SP1: variants seen among roughly 807,000 people sequenced by gnomAD.
The protein encoded by SP1 is Sp1 transcription factor, also known as transcription factor Sp1.
A neutral mutation model predicts 66.3 loss-of-function variants in SP1; 6 were observed. The observed-to-expected ratio is 0.09, with a 90% confidence interval of 0.05 to 0.18. The LOEUF is 0.18. Among genes scored for constraint, SP1 ranks in the 10% least tolerant of loss-of-function variants. The pLI, the probability that SP1 is intolerant of heterozygous loss-of-function variation, is 1.00. For synonymous variants in SP1, 417 were observed against 360.8 expected (o/e 1.16, Z -1.77); for missense variants, 848 against 964.5 (o/e 0.88, Z 1.60).
At chr12:53,385,266 C>G (rs1473921953) in intron 3 of SP1, among the ~76,000 whole-genome samples, 3 of 150,958 alleles carry the variant, frequency 2.0e-5, no homozygotes, top group Non-Finnish European at 4.4e-5. Context: ...TGCACTCCAG[C>G]CTGGTTGACA....
intron 3 of SP1, among the ~76,000 whole-genome samples, chr12:53,397,698 C>T (rs1211139615): frequency 6.6e-6 from 1 of 150,740 alleles, no homozygotes; most frequent in Admixed American, 6.6e-5. Context: ...GGATTACAGG[C>T]GCCTGCCACC....
chr12:53,403,342 C>G (rs921956597), intron 3 of SP1, among the ~76,000 whole-genome samples: 13 of 152,046 alleles, frequency 8.6e-5, no homozygotes, highest in African/African-American at 2.7e-4. Flanking sequence ...TAACACCTTG[C>G]ATTATAGAAA....
In SP1 at chr12:53,411,180, C is replaced by T; in HGVS notation, c.2298C>T (p.Gly766=). ...GCATTGCCCGTCTTGCCAACAGTGG[C>T]ATCAACGTCATGCAGGTGGCAGATC... ...PEGIARLANS[G]INVMQVADLQ... Residue 766 remains glycine (G), a synonymous_variant, in exon 6 of 6, where the codon GGC becomes GGT. Transcript: ENST00000327443. 7 of 1,613,950 alleles carry T rather than the reference C, an allele frequency of 4.3e-6. No individual in the cohort carries two copies. The highest frequency in any genetic ancestry group is 1.1e-5 in the South Asian group (1 of 91,074).
At chr12:53,409,179 C>A (rs1188219047) in intron 4 of SP1, among the ~76,000 whole-genome samples, 183 bp from the exon 5 acceptor site, 1 of 151,872 alleles carries the variant, frequency 6.6e-6, no homozygotes, top group African/African-American at 2.4e-5. Context: ...GAGCCGTGAT[C>A]ATGCTACTGT....
intron 3 of SP1, among the ~76,000 whole-genome samples, chr12:53,403,417 A>G (rs1938656254): frequency 6.6e-6 from 1 of 152,106 alleles, no homozygotes; most frequent in African/African-American, 2.4e-5. Flanking sequence ...CAGTTGTACA[A>G]TCAGGACTCA....
Position 53,412,094 on chromosome 12 carries a change from C to T in SP1, c.*854C>T, listed in dbSNP as rs2136922481. On this transcript the variant is annotated 3_prime_UTR_variant, in exon 6 of 6. Coordinates refer to ENST00000327443, the MANE Select transcript of SP1 (RefSeq NM_138473.3). The stretch of plus-strand genomic sequence containing the variant: ...AAAATCCTTGAAGCCCAGGCTGATG[C>T]TTGAAGTAACTGTGGAGGGAGTGTT... 6.6e-6 allele frequency: 1 copy of T among 152,300 alleles called. No individual in the cohort carries two copies. The highest frequency in any genetic ancestry group is 1.5e-5 in the Non-Finnish European group (1 of 68,030). 9.4% of individuals were successfully genotyped at this position (152,300 alleles called of 1,614,324 possible). A position where few individuals can be genotyped will look rare whatever the true frequency, so the allele number is the denominator to read the frequency against.
intron 3 of SP1, among the ~76,000 whole-genome samples, chr12:53,387,899 T>A (rs746179275): frequency 4.6e-5 from 7 of 151,478 alleles, no homozygotes; most frequent in Non-Finnish European, 7.4e-5. Context: ...GGCAGGAGAA[T>A]GATGTGAACC....
chr12:53,399,310 A>T (rs1193032417), intron 3 of SP1, among the ~76,000 whole-genome samples: 1 of 149,184 alleles, frequency 6.7e-6, no homozygotes, highest in Non-Finnish European at 1.5e-5. Flanking sequence ...CACCATGCCC[A>T]GCTAATTTTT....
chr12:53,408,401 T>C (rs1332604954), intron 4 of SP1, among the ~76,000 whole-genome samples: 3 of 150,676 alleles, frequency 2.0e-5, no homozygotes, highest in African/African-American at 7.3e-5. Context: ...CACGCCTGGC[T>C]AATTTTGTAT....
intron 3 of SP1, among the ~76,000 whole-genome samples, chr12:53,397,964 C>T (rs1466852607): frequency 1.3e-5 from 2 of 152,196 alleles, no homozygotes; most frequent in Non-Finnish European, 2.9e-5. Context: ...GCTACTGAAC[C>T]TTTGGTCTTA....
intron 3 of SP1, among the ~76,000 whole-genome samples, chr12:53,394,501 G>GGATCAAGT (rs2136903012): frequency 6.7e-6 from 1 of 149,100 alleles, no homozygotes; most frequent in Non-Finnish European, 1.5e-5. Context: ...TGACCTCCTG[G>GGATCAAGT]GATCAAGTGG....
chr12:53,380,582 G>C, intron 1 of SP1: 2 of 941,208 alleles, frequency 2.1e-6, no homozygotes, highest in Admixed American at 6.2e-5. Flanking sequence ...CCCACTACTC[G>C]GCCGCCCGCC....
intron 3 of SP1, among the ~76,000 whole-genome samples, chr12:53,400,454 G>A (rs891638746): frequency 1.3e-5 from 2 of 152,154 alleles, no homozygotes; most frequent in African/African-American, 2.4e-5. Context: ...TAGCTATCAT[G>A]CATAATGCTG....
chr12:53,380,594 G>T (rs1371315046), intron 1 of SP1: 1 of 1,009,638 alleles, frequency 9.9e-7, no homozygotes, highest in East Asian at 8.1e-5. Context: ...CCGCCCGCCT[G>T]AGGCTCCTCC....
intron 3 of SP1, among the ~76,000 whole-genome samples, chr12:53,402,585 T>C (rs1938632645): frequency 6.6e-6 from 1 of 150,506 alleles, no homozygotes; most frequent in South Asian, 2.2e-4. Flanking sequence ...AGGCTGGTAA[T>C]GCCAGCACTT....
chr12:53,380,190 G>C lies in SP1; in HGVS notation c.-102G>C, dbSNP rs1938047387. On this transcript the variant is annotated 5_prime_UTR_variant, in exon 1 of 6. Transcript: ENST00000327443. Reference sequence around the variant, plus strand: ...CCCTCCTCCTTACCCCCCCCTCCCTGTCCGGTCCGGGTTCGCTTGCCTCGT... The same window carrying C: ...CCCTCCTCCTTACCCCCCCCTCCCTCTCCGGTCCGGGTTCGCTTGCCTCGT... The C allele has an allele frequency of 1.2e-6, 1 of 809,216 alleles. No homozygotes were observed. Among genetic ancestry groups the C allele is most frequent in the South Asian group, 1.4e-5 (1 of 69,554 alleles). The allele number at this position is 809,216 out of a possible 1,614,324, so 50.1% of individuals were successfully genotyped here. A position where few individuals can be genotyped will look rare whatever the true frequency, so the allele number is the denominator to read the frequency against.
intron 3 of SP1, among the ~76,000 whole-genome samples, chr12:53,399,586 C>T (rs1205950432): frequency 1.3e-5 from 2 of 151,824 alleles, no homozygotes; most frequent in Admixed American, 6.6e-5. Flanking sequence ...CCGCCTCGGC[C>T]TCCCAAAGTG....
At chr12:53,394,574 T>C (rs1938434450) in intron 3 of SP1, among the ~76,000 whole-genome samples, 1 of 144,098 alleles carries the variant, frequency 6.9e-6, no homozygotes, top group African/African-American at 2.6e-5. Flanking sequence ...CGTGGTCTTT[T>C]CTTTTCTTCT....
intron 3 of SP1, among the ~76,000 whole-genome samples, chr12:53,384,609 T>C (rs1938184631): frequency 6.6e-6 from 1 of 152,206 alleles, no homozygotes; most frequent in Non-Finnish European, 1.5e-5. Flanking sequence ...TGTATGTTTT[T>C]TTTCCACACC....
Sources: allele counts gnomAD v4.1 joint callset (sites outside exome capture counted in the v4.1 genomes callset), GRCh38; gene constraint gnomAD v4.1.1; transcripts MANE v1.5; gene names NCBI Gene and HGNC (gene_info 2026-07-23, HGNC 2026-07-21).